Variants in CFH observed in about 807,000 individuals in gnomAD.
The protein encoded by CFH is complement factor H, also known as H factor 1 (complement).
CFH carries 53 observed loss-of-function variants against 147.3 expected under a neutral mutation model. That is an observed-to-expected ratio of 0.36 (90% CI 0.29 to 0.45). The LOEUF is 0.45. Among genes scored for constraint, CFH ranks in the 20% least tolerant of loss-of-function variants. The probability of loss-of-function intolerance (pLI) is 1.00; values close to 1 mark genes in which losing one functional copy is unlikely to be tolerated. For missense variants in CFH, 1,380 were observed against 1,498.0 expected (o/e 0.92, Z 1.30); for synonymous variants, 536 against 489.4 (o/e 1.10, Z -1.26).
intron 15 of CFH, among the ~76,000 whole-genome samples, chr1:196,732,916 C>G (rs1007352983): frequency 6.6e-6 from 1 of 152,052 alleles, no homozygotes; most frequent in Non-Finnish European, 1.5e-5. Flanking sequence ...TACTAATATT[C>G]AGGCTGCATG....
intron 1 of CFH, among the ~76,000 whole-genome samples, chr1:196,654,424 G>A (rs1228187120): frequency 2.6e-5 from 4 of 151,988 alleles, no homozygotes; most frequent in Non-Finnish European, 5.9e-5. Context: ...GTGTAGGAAC[G>A]TTAATTGCCT....
intron 11 of CFH, among the ~76,000 whole-genome samples, chr1:196,722,200 T>G (rs1415369084): frequency 6.6e-6 from 1 of 152,110 alleles, no homozygotes; most frequent in Non-Finnish European, 1.5e-5. Context: ...TCTATTTCCA[T>G]GTTCAGGACT....
chr1:196,738,135 C>T (rs1012982111), intron 17 of CFH, among the ~76,000 whole-genome samples: 1 of 152,120 alleles, frequency 6.6e-6, no homozygotes, highest in African/African-American at 2.4e-5. Context: ...ATCCTGAGAA[C>T]AGAAGCATGG....
intron 15 of CFH, among the ~76,000 whole-genome samples, chr1:196,729,038 A>G (rs1669218788): frequency 6.6e-6 from 1 of 152,096 alleles, no homozygotes; most frequent in South Asian, 2.1e-4. Flanking sequence ...AGTTAGTCAT[A>G]TTGACACATA....
chr1:196,679,380 C>A (rs1667573370), intron 5 of CFH: 2 of 350,360 alleles, frequency 5.7e-6, no homozygotes, highest in African/African-American at 4.2e-5. Flanking sequence ...TGTTACTGGT[C>A]ACTATTTATT....
chr1:196,688,483 A>G (rs1322384276), intron 7 of CFH, among the ~76,000 whole-genome samples: 1 of 152,124 alleles, frequency 6.6e-6, no homozygotes, highest in African/African-American at 2.4e-5. Context: ...AACTTGGCTT[A>G]ATGAATTGTT....
At chr1:196,709,164 A>T (rs925155800) in intron 9 of CFH, among the ~76,000 whole-genome samples, 1 of 152,172 alleles carries the variant, frequency 6.6e-6, no homozygotes, top group East Asian at 1.9e-4. Flanking sequence ...GCTGGAGACC[A>T]TATGTCTCTA....
chr1:196,734,352 A>T (rs926660351), intron 15 of CFH, among the ~76,000 whole-genome samples: 1 of 151,984 alleles, frequency 6.6e-6, no homozygotes, highest in Non-Finnish European at 1.5e-5. Flanking sequence ...AGGAGCTTCC[A>T]CTTCTGCCAT....
At position 196,740,743 on chromosome 1, in the gene CFH, A is replaced by G; in HGVS notation, c.2907A>G (p.Ala969=). ...AAGGTTTTGGAATTGATGGGCCTGC[A>G]ATTGCAAAATGCTTAGGAGAAAAAT... ...CFEGFGIDGP[A]IAKCLGEKWS... The change falls in exon 18 of 22, where the codon GCA becomes GCG. Residue 969 remains alanine, a synonymous_variant. Coordinates refer to ENST00000367429, the MANE Select transcript of CFH (RefSeq NM_000186.4). 6.2e-7 allele frequency: 1 copy of G among 1,614,054 alleles called. No homozygotes were observed. Among genetic ancestry groups the G allele is most frequent in the Admixed American group, 1.7e-5 (1 of 60,020 alleles).
intron 9 of CFH, chr1:196,701,377 A>G (rs1023783294): frequency 7.4e-5 from 120 of 1,613,426 alleles, no homozygotes; most frequent in Non-Finnish European, 1.0e-4. Context: ...TGGATCAAAG[A>G]TGACAAGGGC....
chr1:196,690,655 C>G (rs573417298), intron 9 of CFH, among the ~76,000 whole-genome samples: 1 of 152,232 alleles, frequency 6.6e-6, no homozygotes, highest in East Asian at 1.9e-4. Context: ...GAACAGCTTC[C>G]TCTCTTGTGA....
chr1:196,699,065 G>A (rs1573040212), intron 9 of CFH, among the ~76,000 whole-genome samples: 1 of 151,968 alleles, frequency 6.6e-6, no homozygotes, highest in African/African-American at 2.4e-5. Context: ...AAAATTATAA[G>A]AGCTATTTTT....
intron 1 of CFH, 30 bp from the exon 2 acceptor site, chr1:196,672,948 A>C (rs1010034860): frequency 1.3e-5 from 20 of 1,574,834 alleles, no homozygotes; most frequent in Non-Finnish European, 1.3e-5. Flanking sequence ...TAGACACTTT[A>C]TGCACTTATT....
At chr1:196,681,470 T>TCA (rs3043111) in intron 6 of CFH, among the ~76,000 whole-genome samples, 35,836 of 147,930 alleles carry the variant, frequency 0.24, 4,530 homozygotes, top group East Asian at 0.45. Flanking sequence ...ACTAATTGAT[T>TCA]CACACACACA....
At chr1:196,714,902 T>C (rs1300744833) in intron 10 of CFH, among the ~76,000 whole-genome samples, 3 of 151,262 alleles carry the variant, frequency 2.0e-5, no homozygotes, top group Non-Finnish European at 4.4e-5. Context: ...GGTTTTGCCA[T>C]GTTAGCCAGG....
intron 1 of CFH, among the ~76,000 whole-genome samples, chr1:196,654,702 A>T (rs1666626028): frequency 6.6e-6 from 1 of 152,046 alleles, no homozygotes. Context: ...CTACTGAAAC[A>T]TGTTCAAGTA....
Position 196,728,473 on chromosome 1 carries a change from A to G in CFH, c.2364A>G (p.Ile788Met). ...GATGTAGAGGAAAAGAAGGATGGAT[A>G]CACACAGTCTGCATAAATGGAAGAT... ...RYRCRGKEGWIHTVCINGRWD... is the reference protein window; with the variant it reads ...RYRCRGKEGWMHTVCINGRWD... Residue 788 changes from isoleucine (I) to methionine (M), a missense_variant, in exon 15 of 22, where the codon ATA becomes ATG. Ile to Met is a conservative substitution (Grantham distance 10). Coordinates refer to ENST00000367429, the MANE Select transcript of CFH (RefSeq NM_000186.4). 2 of 1,613,054 alleles carry G rather than the reference A, an allele frequency of 1.2e-6. No homozygotes were observed. Among genetic ancestry groups the G allele is most frequent in the Non-Finnish European group, 1.7e-6 (2 of 1,179,250 alleles).
intron 10 of CFH, among the ~76,000 whole-genome samples, chr1:196,714,668 TAGAGAG>T (rs1205328020): frequency 3.3e-3 from 71 of 21,270 alleles, no homozygotes; most frequent in African/African-American, 3.8e-3. Context: ...TATATATATA[TAGAGAG>T]AGAGAGAGAG....
chr1:196,691,983 A>G (rs1320422606), intron 9 of CFH, among the ~76,000 whole-genome samples: 2 of 152,066 alleles, frequency 1.3e-5, no homozygotes, highest in Non-Finnish European at 2.9e-5. Context: ...CAATTTTTAT[A>G]GTACCTTTCT....
Sources: gnomAD v4.1 joint callset for allele counts (sites outside exome capture counted in the v4.1 genomes callset) on GRCh38, gnomAD v4.1.1 for gene constraint, MANE v1.5 for transcripts, NCBI Gene and HGNC (gene_info 2026-07-23, HGNC 2026-07-21) for gene names.